Variants in ARL15 observed in about 807,000 individuals in gnomAD.
ARL15 encodes the protein ADP-ribosylation factor-like protein 15.
ARL15 carries 19 observed loss-of-function variants against 25.2 expected under a neutral mutation model. The ratio of observed to expected loss-of-function variants is 0.75; its 90% CI spans 0.53 to 1.10. ARL15 has a LOEUF of 1.10. Ranked by LOEUF, ARL15 falls within the 50% of genes least tolerant of loss-of-function variation. The pLI, the probability that ARL15 is intolerant of heterozygous loss-of-function variation, is 0.00. For missense variants in ARL15, 220 were observed against 246.0 expected, an observed-to-expected ratio of 0.89 and a Z score of 0.71; for synonymous variants, 94 against 86.8, an observed-to-expected ratio of 1.08 and a Z score of -0.46.
intron 4 of ARL15, among the ~76,000 whole-genome samples, chr5:53,983,585 A>T (rs1306466768): frequency 6.6e-6 from 1 of 152,158 alleles, no homozygotes; most frequent in African/African-American, 2.4e-5. Flanking sequence ...GACAATTTGC[A>T]TTTTATTTTG....
chr5:54,040,907 T>A (rs985718084), intron 4 of ARL15, among the ~76,000 whole-genome samples: 2 of 152,266 alleles, frequency 1.3e-5, no homozygotes, highest in Admixed American at 1.3e-4. Context: ...TCCTTGTTTT[T>A]ACTTTGTAAC....
rs1365849938 is a variant in ARL15 at position 53,907,481 on chromosome 5, TATA to T, written c.463-20771_463-20769del. Among the ~76,000 whole-genome samples, 80 of 35,002 alleles carry T rather than the reference TATA, an allele frequency of 2.3e-3. 1 individual carries two copies. Among genetic ancestry groups the T allele is most frequent in the African/African-American group, 8.9e-3 (66 of 7,452 alleles). 23.0% of individuals were successfully genotyped at this position (35,002 alleles called of 152,430 possible). On this transcript the variant is annotated intron_variant, in intron 4 of 4. Coordinates refer to ENST00000504924, the MANE Select transcript of ARL15 (RefSeq NM_019087.3). ...TCATATATATATATATATATATATA[TATA>T]TATATTTTTTTTTTTTTTTTTTTTT... is the stretch of plus-strand genomic sequence containing the variant.
At chr5:54,287,696 T>C (rs1758216893) in intron 1 of ARL15, among the ~76,000 whole-genome samples, 1 of 152,156 alleles carries the variant, frequency 6.6e-6, no homozygotes, top group Admixed American at 6.5e-5. Flanking sequence ...ATTTTAAGAC[T>C]TATCTCTAAC....
chr5:54,184,721 T>A (rs1029706097), intron 1 of ARL15, among the ~76,000 whole-genome samples: 1 of 152,018 alleles, frequency 6.6e-6, no homozygotes, highest in Admixed American at 6.6e-5. Flanking sequence ...TTAGGCTCCA[T>A]AAAGATGGAG....
chr5:53,950,573 C>T (rs1746911327), intron 4 of ARL15, among the ~76,000 whole-genome samples: 1 of 152,174 alleles, frequency 6.6e-6, no homozygotes, highest in Admixed American at 6.5e-5. Context: ...AAGATTTCAA[C>T]TCATGCTCTA....
At chr5:54,279,539 C>A (rs1758004028) in intron 1 of ARL15, among the ~76,000 whole-genome samples, 1 of 152,186 alleles carries the variant, frequency 6.6e-6, no homozygotes, top group Admixed American at 6.5e-5. Flanking sequence ...ATGACCTCAT[C>A]TAAACCTAAT....
At chr5:54,202,404 A>C (rs72752159) in intron 1 of ARL15, among the ~76,000 whole-genome samples, 11,725 of 152,254 alleles carry the variant, frequency 0.077, 559 homozygotes, top group Middle Eastern at 0.14. Flanking sequence ...CAGAAGAGTC[A>C]GAATCAGGGA....
chr5:53,978,735 A>T (rs1238565252), intron 4 of ARL15, among the ~76,000 whole-genome samples: 1 of 152,074 alleles, frequency 6.6e-6, no homozygotes, highest in Non-Finnish European at 1.5e-5. Context: ...ATATATATAC[A>T]CACACATATA....
intron 4 of ARL15, among the ~76,000 whole-genome samples, chr5:54,045,103 C>T (rs116184879): frequency 2.0e-5 from 3 of 152,222 alleles, no homozygotes; most frequent in Non-Finnish European, 2.9e-5. Flanking sequence ...GAGAAACAGT[C>T]GAAATGTGGT....
chr5:54,194,201 T>C (rs562562244), intron 1 of ARL15, among the ~76,000 whole-genome samples: 15 of 152,260 alleles, frequency 9.9e-5, no homozygotes, highest in African/African-American at 3.6e-4. Context: ...TCAAAGAACT[T>C]AAGCATTTTT....
At chr5:54,084,788 T>C (rs959407325) in intron 4 of ARL15, among the ~76,000 whole-genome samples, 1 of 152,136 alleles carries the variant, frequency 6.6e-6, no homozygotes, top group Non-Finnish European at 1.5e-5. Context: ...GGCACCATGT[T>C]CTGGCGAAAA....
intron 4 of ARL15, among the ~76,000 whole-genome samples, chr5:54,071,926 T>C (rs893775112): frequency 6.8e-6 from 1 of 146,376 alleles, no homozygotes; most frequent in Non-Finnish European, 1.5e-5. Context: ...TGAGCCAAGA[T>C]TGCACCACTG....
intron 4 of ARL15, among the ~76,000 whole-genome samples, chr5:54,055,352 CTTTTTTTTTTTTTT>C: frequency 1.8e-5 from 1 of 55,360 alleles, no homozygotes; most frequent in African/African-American, 8.0e-5. Flanking sequence ...ATCATCATTC[CTTTTTTTTTTTTTT>C]TTTTTTTTTT....
chr5:54,107,473 A>G (rs1160245340), intron 4 of ARL15, among the ~76,000 whole-genome samples: 1 of 152,176 alleles, frequency 6.6e-6, no homozygotes, highest in Non-Finnish European at 1.5e-5. Context: ...AGGTTTTAAA[A>G]TATGGGTATC....
Position 54,052,146 on chromosome 5 carries a change from A to G in ARL15, c.462+61056T>C, listed in dbSNP as rs903863140. On this transcript the variant is annotated intron_variant, in intron 4 of 4. Transcript: ENST00000504924. ...TTCAGAGTGGGAGAGACAAATATGT[A>G]AAACATAGGGGATTTTTTTTATGGA... 1.3e-5 allele frequency among the ~76,000 whole-genome samples: 2 copies of G among 152,214 alleles called. 1 individual carries two copies. Among genetic ancestry groups the G allele is most frequent in the Non-Finnish European group, 2.9e-5 (2 of 68,034 alleles).
At chr5:54,210,053 T>C (rs992389086) in intron 1 of ARL15, among the ~76,000 whole-genome samples, 2 of 152,190 alleles carry the variant, frequency 1.3e-5, no homozygotes, top group Non-Finnish European at 2.9e-5. Context: ...TGTGTCCTAA[T>C]ATTTGGCTTG....
Position 54,113,263 on chromosome 5 carries a change from G to C in ARL15, c.401C>G (p.Thr134Ser), listed in dbSNP as rs1172024049. The C allele has an allele frequency of 6.2e-7, 1 of 1,613,920 alleles. No homozygotes were observed. The highest frequency in any genetic ancestry group is 2.2e-5 in the East Asian group (1 of 44,864). Residue 134 changes from threonine to serine, a missense_variant, in exon 4 of 5, where the codon ACT (threonine) becomes AGT (serine). By Grantham distance (58) the Thr-to-Ser change is moderately conservative. Coordinates refer to ENST00000504924, the MANE Select transcript of ARL15 (RefSeq NM_019087.3). ...ATTGGCCAATATTAAAAAGGGTAAA[G>C]TGCATAACTGTGGATGCTGAAGAGC... ...HSALQHPQLCTLPFLILANHQ... is the reference protein window; with the variant it reads ...HSALQHPQLCSLPFLILANHQ...
intron 4 of ARL15, among the ~76,000 whole-genome samples, chr5:53,947,900 G>C (rs1338415476): frequency 6.6e-6 from 1 of 152,108 alleles, no homozygotes; most frequent in Non-Finnish European, 1.5e-5. Context: ...CAAGAATCTA[G>C]TTTAGAAGAA....
intron 4 of ARL15, among the ~76,000 whole-genome samples, chr5:54,002,537 G>T (rs2111729854): frequency 6.6e-6 from 1 of 152,244 alleles, no homozygotes; most frequent in South Asian, 2.1e-4. Flanking sequence ...AGATATTTTA[G>T]GCAGAGTAAT....
Sources: gnomAD v4.1 joint callset for allele counts (sites outside exome capture counted in the v4.1 genomes callset) on GRCh38, gnomAD v4.1.1 for gene constraint, MANE v1.5 for transcripts, NCBI Gene and HGNC (gene_info 2026-07-23, HGNC 2026-07-21) for gene names.